Variants in PARD6G observed in about 807,000 individuals in gnomAD.
PARD6G encodes par-6 family cell polarity regulator gamma, also known as partitioning defective 6 homolog gamma.
Under a neutral mutation model 10.7 loss-of-function variants are expected in PARD6G, and 7 were observed. That is an observed-to-expected ratio of 0.66 (90% confidence interval 0.37 to 1.23). The LOEUF is 1.23. PARD6G is among the 50% of genes most tolerant of loss of function. PARD6G has a pLI of 0.02. For missense variants in PARD6G, 548 were observed against 571.8 expected (o/e 0.96, Z 0.42); for synonymous variants, 287 against 269.4 (o/e 1.07, Z -0.64).
chr18:80,163,935 C>T (rs1350751345), intron 2 of PARD6G, among the ~76,000 whole-genome samples: 3 of 152,228 alleles, frequency 2.0e-5, no homozygotes, highest in African/African-American at 7.2e-5. Context: ...GGAGAAGCAA[C>T]ATGGCAGCAG....
chr18:80,215,074 T>G (rs1967149823), intron 1 of PARD6G, among the ~76,000 whole-genome samples: 1 of 151,978 alleles, frequency 6.6e-6, no homozygotes, highest in East Asian at 1.9e-4. Flanking sequence ...AATGACATAC[T>G]TCAAGTTTGG....
At chr18:80,216,178 T>C (rs1967163810) in intron 1 of PARD6G, among the ~76,000 whole-genome samples, 1 of 152,102 alleles carries the variant, frequency 6.6e-6, no homozygotes, top group African/African-American at 2.4e-5. Context: ...ACAATAAATG[T>C]TGGAGACTTT....
intron 2 of PARD6G, among the ~76,000 whole-genome samples, chr18:80,167,567 T>C (rs1015800128): frequency 5.3e-5 from 8 of 152,138 alleles, no homozygotes; most frequent in African/African-American, 1.7e-4. Flanking sequence ...CAGACAGACT[T>C]GGGGTCCTGG....
intron 2 of PARD6G, among the ~76,000 whole-genome samples, chr18:80,174,771 G>A (rs540250235): frequency 5.9e-5 from 9 of 152,200 alleles, no homozygotes; most frequent in Admixed American, 2.6e-4. Context: ...TGGCTAACAC[G>A]GTGAAACCCC....
chr18:80,208,311 A>G (rs1055608392), intron 1 of PARD6G, among the ~76,000 whole-genome samples: 9 of 152,204 alleles, frequency 5.9e-5, no homozygotes, highest in Admixed American at 2.0e-4. Context: ...TAGTTTTTCA[A>G]AATTCTTTCA....
rs1332674618 is a variant in PARD6G, at chr18:80,246,695, G to C, written c.72+582C>G. On this transcript the variant is annotated intron_variant, in intron 1 of 2. Coordinates refer to ENST00000353265, the MANE Select transcript of PARD6G (RefSeq NM_032510.4). The surrounding 1 kb of genome is among the most constrained non-coding windows in gnomAD (Gnocchi z 6.7). ...GGAGGCGTGGTCTGGGTCTGGGCCG[G>C]GGGAGAGCCGGGTGCGTGCTCTGGG... is the stretch of plus-strand genomic sequence containing the variant. Among the ~76,000 whole-genome samples the C allele has an allele frequency of 6.6e-6, 1 of 151,984 alleles. No individual in the cohort carries two copies. Among genetic ancestry groups the C allele is most frequent in the African/African-American group, 2.4e-5 (1 of 41,402 alleles).
intron 2 of PARD6G, among the ~76,000 whole-genome samples, chr18:80,186,258 G>GCACCCACACATGCATA: frequency 7.5e-6 from 1 of 133,788 alleles, no homozygotes; most frequent in East Asian, 2.3e-4. Flanking sequence ...TCACACACAT[G>GCACCCACACATGCATA]CACCCACACA....
At chr18:80,186,957 G>T (rs993471998) in intron 2 of PARD6G, among the ~76,000 whole-genome samples, 5 of 152,110 alleles carry the variant, frequency 3.3e-5, no homozygotes, top group Non-Finnish European at 7.4e-5. Flanking sequence ...AAATTAGCCG[G>T]GCGTGGTGGC....
At position 80,159,461 on chromosome 18, in the gene PARD6G, A is replaced by AAAG. The variant is rs1279356843; in HGVS notation, c.*307_*309dup. 6.9e-6 allele frequency: 2 copies of AAAG among 290,074 alleles called. No individual in the cohort carries two copies. The highest frequency in any genetic ancestry group is 4.4e-5 in the African/African-American group (2 of 45,776). The allele number at this position is 290,074 out of a possible 1,614,324, so 18.0% of individuals were successfully genotyped here. Reference sequence around the variant, plus strand: ...AATTTTAAAGCTTCACTTTAAAAACAAAGTATTTGTAAAAATTTTAAAAAG... The same window carrying AAAG: ...AATTTTAAAGCTTCACTTTAAAAACAAAGAAGTATTTGTAAAAATTTTAAAAAG... On this transcript the variant is annotated 3_prime_UTR_variant, in exon 3 of 3. Transcript: ENST00000353265.
At chr18:80,236,606 T>G (rs545133816) in intron 1 of PARD6G, among the ~76,000 whole-genome samples, 1 of 152,154 alleles carries the variant, frequency 6.6e-6, no homozygotes, top group African/African-American at 2.4e-5. Context: ...GAAAACCCCA[T>G]CGTCTCAGCC....
rs1023123199 is a variant in PARD6G at position 80,247,000 on chromosome 18, G to A, written c.72+277C>T. Among the ~76,000 whole-genome samples, 2 of 152,146 alleles carry A rather than the reference G, an allele frequency of 1.3e-5. No homozygotes were observed. The highest frequency in any genetic ancestry group is 1.3e-4 in the Admixed American group (2 of 15,290). On this transcript the variant is annotated intron_variant, in intron 1 of 2. Transcript: ENST00000353265. This position sits in a 1 kb window ranked among gnomAD's most constrained non-coding sequence, Gnocchi z 6.7. ...CGCCTCTCACTCGTGGAACAAAAGA[G>A]CAGCTCCCGCGGAGCGGGTCCAGAG...
Position 80,247,161 on chromosome 18 carries a change from G to T in PARD6G, c.72+116C>A. 1 of 749,518 alleles carries T rather than the reference G, an allele frequency of 1.3e-6. No individual in the cohort carries two copies. Among genetic ancestry groups the T allele is most frequent in the Non-Finnish European group, 2.0e-6 (1 of 509,700 alleles). The allele number at this position is 749,518 out of a possible 1,614,324, so 46.4% of individuals were successfully genotyped here. A position where few individuals can be genotyped will look rare whatever the true frequency, so the allele number is the denominator to read the frequency against. ...GGAGCGGCGCGCGGCGCCCGAACTGGAAAGTTGTCGCCGGCGCCTGTCGCC... is the reference window on the plus strand; with the variant it reads ...GGAGCGGCGCGCGGCGCCCGAACTGTAAAGTTGTCGCCGGCGCCTGTCGCC... On this transcript the variant is annotated intron_variant, in intron 1 of 2. Coordinates refer to ENST00000353265, the MANE Select transcript of PARD6G (RefSeq NM_032510.4). This position sits in a 1 kb window ranked among gnomAD's most constrained non-coding sequence, Gnocchi z 4.2.
chr18:80,197,115 C>T (rs182529581), intron 2 of PARD6G, among the ~76,000 whole-genome samples: 14 of 152,222 alleles, frequency 9.2e-5, no homozygotes, highest in Admixed American at 3.9e-4. Context: ...AGCCCCTAGG[C>T]GGTGTCCGAG....
chr18:80,190,992 G>C (rs1966892159), intron 2 of PARD6G, among the ~76,000 whole-genome samples: 1 of 152,188 alleles, frequency 6.6e-6, no homozygotes, highest in African/African-American at 2.4e-5. Flanking sequence ...AGACATTCTG[G>C]AGGCTCCATT....
At chr18:80,237,923 G>C (rs1967443275) in intron 1 of PARD6G, among the ~76,000 whole-genome samples, 1 of 152,082 alleles carries the variant, frequency 6.6e-6, no homozygotes, top group African/African-American at 2.4e-5. Flanking sequence ...TTCAACCATT[G>C]TGGAAGTCAG....
rs1316904014 is a variant in PARD6G, at chr18:80,182,070, C to G, written c.295+20640G>C. ...GGCAGAAAGCAGGGAAGCAACACAG[C>G]TGGGTAGGGCCCAGCAGAGTCTCAC... On this transcript the variant is annotated intron_variant, in intron 2 of 2. Transcript: ENST00000353265. This position sits in a 1 kb window ranked among gnomAD's most constrained non-coding sequence, Gnocchi z 4.5. Among the ~76,000 whole-genome samples, 1 of 152,242 alleles carries G rather than the reference C, an allele frequency of 6.6e-6. No homozygotes were observed. Among genetic ancestry groups the G allele is most frequent in the Non-Finnish European group, 1.5e-5 (1 of 68,050 alleles).
chr18:80,244,166 C>T (rs1967518287), intron 1 of PARD6G, among the ~76,000 whole-genome samples: 1 of 152,160 alleles, frequency 6.6e-6, no homozygotes, highest in Non-Finnish European at 1.5e-5. Flanking sequence ...TCTTGCTCTC[C>T]TCCACGTGAA....
At chr18:80,220,566 A>C (rs1967217743) in intron 1 of PARD6G, among the ~76,000 whole-genome samples, 2 of 152,054 alleles carry the variant, frequency 1.3e-5, no homozygotes, top group South Asian at 4.1e-4. Context: ...TAATAAAGGA[A>C]ACTGGGTATG....
chr18:80,243,458 G>C (rs879713239), intron 1 of PARD6G, among the ~76,000 whole-genome samples: 10 of 152,178 alleles, frequency 6.6e-5, no homozygotes, highest in Non-Finnish European at 1.5e-4. Context: ...TTGGACAGGA[G>C]AGCTACCAAT....
Sources: allele counts gnomAD v4.1 joint callset (sites outside exome capture counted in the v4.1 genomes callset), GRCh38; gene constraint gnomAD v4.1.1; non-coding constraint Gnocchi (gnomAD v3.1); transcripts MANE v1.5; gene names NCBI Gene and HGNC (gene_info 2026-07-23, HGNC 2026-07-21).